Variants in MXRA7 observed in about 807,000 individuals in gnomAD.
MXRA7 encodes the protein matrix-remodeling-associated protein 7.
Under a neutral mutation model 17.4 loss-of-function variants are expected in MXRA7, and 18 were observed. That is an observed-to-expected ratio of 1.03 (90% confidence interval 0.71 to 1.53). The LOEUF (loss-of-function observed/expected upper bound fraction) is 1.53, where lower values mean the gene tolerates loss of function less well. Ranked by LOEUF, MXRA7 falls within the 40% of genes most tolerant of loss-of-function variation. MXRA7 has a pLI of 0.00. For synonymous variants in MXRA7, 70 were observed against 101.7 expected, an observed-to-expected ratio of 0.69 and a Z score of 1.87; for missense variants, 141 against 209.3, an observed-to-expected ratio of 0.67 and a Z score of 2.01.
At chr17:76,692,229 T>A (rs1251878602) in intron 1 of MXRA7, among the ~76,000 whole-genome samples, 2 of 144,440 alleles carry the variant, frequency 1.4e-5, no homozygotes, top group South Asian at 2.3e-4. Flanking sequence ...AAAAAAAAAA[T>A]TGTACTTGAC....
downstream of MXRA7, chr17:76,677,554 C>G (rs754111864): frequency 6.8e-7 from 1 of 1,463,484 alleles, no homozygotes; most frequent in African/African-American, 1.4e-5. Flanking sequence ...GGGACAGCAT[C>G]AGGCATGGCC....
intron 3 of MXRA7, chr17:76,683,751 G>T: frequency 1.2e-6 from 1 of 810,040 alleles, no homozygotes; most frequent in Non-Finnish European, 2.2e-6. Context: ...TGAAGGCGAT[G>T]GAGGAGGGGA....
intron 1 of MXRA7, among the ~76,000 whole-genome samples, chr17:76,699,481 T>G (rs917151256): frequency 6.6e-6 from 1 of 152,148 alleles, no homozygotes; most frequent in Non-Finnish European, 1.5e-5. Context: ...AAATGCCAAC[T>G]TCATAATGTG....
chr17:76,688,429 G>A, intron 1 of MXRA7: 1 of 1,371,446 alleles, frequency 7.3e-7, no homozygotes, highest in Non-Finnish European at 9.4e-7. Context: ...CCTCGGCCTT[G>A]GCCTTTCCCA....
chr17:76,696,246 G>C (rs150311579), intron 1 of MXRA7, among the ~76,000 whole-genome samples: 5 of 152,162 alleles, frequency 3.3e-5, no homozygotes, highest in African/African-American at 1.2e-4. Flanking sequence ...AAGGCTGGGC[G>C]CGGTGGCTCA....
intron 2 of MXRA7, 109 bp from the exon 3 acceptor site, chr17:76,685,274 A>G (rs949056720): frequency 1.3e-6 from 1 of 763,032 alleles, no homozygotes; most frequent in Non-Finnish European, 2.3e-6. Context: ...CAGAGGCCAC[A>G]TCTGGCTATC....
intron 1 of MXRA7, among the ~76,000 whole-genome samples, chr17:76,707,970 T>C (rs941400106): frequency 6.6e-6 from 1 of 152,228 alleles, no homozygotes; most frequent in African/African-American, 2.4e-5. Context: ...GTTCTAGCAG[T>C]ATCATTCCGC....
chr17:76,688,001 C>A, intron 2 of MXRA7, 112 bp downstream of exon 2: 1 of 825,132 alleles, frequency 1.2e-6, no homozygotes, highest in East Asian at 2.7e-5. Context: ...GGCCACTGTC[C>A]CACCCCATCC....
chr17:76,702,077 T>G (rs1302436087), intron 1 of MXRA7, among the ~76,000 whole-genome samples: 1 of 152,172 alleles, frequency 6.6e-6, no homozygotes, highest in Non-Finnish European at 1.5e-5. Context: ...CATTTTGAGA[T>G]AGAGAAAATA....
rs1567990580 is a variant in MXRA7, at chr17:76,706,117, CCCACGCTGCCATCACAAAGGA to C, written c.342+4467_342+4487del. On this transcript the variant is annotated intron_variant, in intron 1 of 3. Transcript: ENST00000449428. Reference sequence around the variant, plus strand: ...AAGGCCCACGCTGCCATCACAAAGGCCCACGCTGCCATCACAAAGGACCACACTGCCGTCACAGAGGCCCAC... The same window carrying C: ...AAGGCCCACGCTGCCATCACAAAGGCCCACACTGCCGTCACAGAGGCCCAC... Among the ~76,000 whole-genome samples the C allele has an allele frequency of 2.2e-4, 31 of 139,778 alleles. No homozygotes were observed. In the South Asian group the frequency reaches 7.0e-3, roughly 32 times the overall value. The allele number at this position is 139,778 out of a possible 152,430, so 91.7% of individuals were successfully genotyped here.
At chr17:76,684,639 C>A (rs919914083) in intron 3 of MXRA7, 4 of 426,222 alleles carry the variant, frequency 9.4e-6, no homozygotes, top group African/African-American at 8.2e-5. Context: ...CCTGGGAGGC[C>A]GCTGAAGGAT....
At chr17:76,710,552 G>T in intron 1 of MXRA7, 53 bp downstream of exon 1, 1 of 1,222,864 alleles carries the variant, frequency 8.2e-7, no homozygotes. Flanking sequence ...GAACGGCAGC[G>T]GCAGCCGGAG....
In MXRA7 at chr17:76,708,954, C is replaced by T. The variant is rs1222485810; in HGVS notation, c.342+1651G>A. Among the ~76,000 whole-genome samples, 4 of 152,142 alleles carry T rather than the reference C, an allele frequency of 2.6e-5. No homozygotes were observed. The South Asian group carries it at 6.2e-4, about 24-fold the overall frequency. ...CCATACTGCCTTGTCCTTCAGAGCA[C>T]CCATTCAGCTTCAGAGGACGTGCAT... On this transcript the variant is annotated intron_variant, in intron 1 of 3. Transcript: ENST00000449428.
intron 1 of MXRA7, among the ~76,000 whole-genome samples, chr17:76,697,312 A>G (rs1196927280): frequency 6.6e-6 from 1 of 152,180 alleles, no homozygotes; most frequent in Non-Finnish European, 1.5e-5. Context: ...AGGGCTTAGG[A>G]GGACCCGAAC....
Position 76,685,157 on chromosome 17 carries a change from A to G in MXRA7, c.415T>C (p.Phe139Leu). 6.2e-7 allele frequency: 1 copy of G among 1,613,510 alleles called. No individual in the cohort carries two copies. The highest frequency in any genetic ancestry group is 8.5e-7 in the Non-Finnish European group (1 of 1,179,622). Residue 139 changes from phenylalanine to leucine, a missense_variant, in exon 3 of 4, where the codon TTC becomes CTC. By Grantham distance (22) the Phe-to-Leu change is conservative. Coordinates refer to ENST00000449428, the MANE Select transcript of MXRA7 (RefSeq NM_198530.4). ...TTCCCGGGGCTGTATTTGAAGGAGA[A>G]GCCTTCTCCTGTGGAGGGGGGACCC... ...EGPEEEDGEGFSFKYSPGKLR... is the reference protein window; with the variant it reads ...EGPEEEDGEGLSFKYSPGKLR...
chr17:76,676,220 T>G (rs555966773), downstream of MXRA7: 1 of 152,340 alleles, frequency 6.6e-6, no homozygotes, highest in South Asian at 2.1e-4. Context: ...CACACAGGCT[T>G]TTCTTCCCTA....
intron 2 of MXRA7, among the ~76,000 whole-genome samples, chr17:76,686,135 C>CG (rs925991666): frequency 1.1e-4 from 16 of 152,090 alleles, no homozygotes; most frequent in Non-Finnish European, 2.1e-4. Flanking sequence ...GATGGGGAGG[C>CG]GGGGGGGCTC....
chr17:76,685,212 G>A (rs1436497631), intron 2 of MXRA7, 47 bp from the exon 3 acceptor site: 1 of 1,452,936 alleles, frequency 6.9e-7, no homozygotes, highest in African/African-American at 1.4e-5. Flanking sequence ...GTAGAGGCTG[G>A]CCCCACAAAC....
intron 1 of MXRA7, among the ~76,000 whole-genome samples, chr17:76,697,892 GGA>G (rs1165036381): frequency 2.0e-4 from 30 of 152,068 alleles, no homozygotes; most frequent in Non-Finnish European, 4.3e-4. Flanking sequence ...GTCGGGAGAG[GGA>G]GAGAGGGGAG....
Sources: allele counts gnomAD v4.1 joint callset (sites outside exome capture counted in the v4.1 genomes callset), GRCh38; gene constraint gnomAD v4.1.1; transcripts MANE v1.5; gene names NCBI Gene and HGNC (gene_info 2026-07-23, HGNC 2026-07-21).